The following DENND3 variants were observed in gnomAD, a reference collection of about 807,000 sequenced individuals.
DENND3 encodes DENN domain-containing protein 3.
In DENND3, 88 loss-of-function variants were observed where a neutral mutation model predicts 135.1. That is an observed-to-expected ratio of 0.65 (90% CI 0.55 to 0.78). The LOEUF (loss-of-function observed/expected upper bound fraction) is 0.78. DENND3 is among the 30% of genes least tolerant of loss of function. DENND3 has a pLI of 0.00. For synonymous variants in DENND3, 693 were observed against 712.3 expected (o/e 0.97, Z 0.43); for missense variants, 1,392 against 1,688.4 (o/e 0.82, Z 3.08).
Position 141,194,123 on chromosome 8 carries a change from C to T in DENND3, c.3727C>T (p.Leu1243=). 1 of 1,613,940 alleles carries T rather than the reference C, an allele frequency of 6.2e-7. No individual in the cohort carries two copies. The highest frequency in any genetic ancestry group is 8.5e-7 in the Non-Finnish European group (1 of 1,180,018). ...DAERKTVEKE[L]VAHMDTVRTL... is the part of the protein sequence containing the mutation. The stretch of plus-strand genomic sequence containing the variant: ...CGAGAGGAAGACCGTGGAGAAGGAG[C>T]TGGTGGCGCACATGGACACCGTGAG... The change falls in exon 23 of 23, where the codon CTG becomes TTG. Residue 1243 remains leucine (L), a synonymous_variant. Transcript: ENST00000519811.
chr8:141,194,345 C>A lies in DENND3; in HGVS notation c.*112C>A. 5 of 1,314,124 alleles carry A rather than the reference C, an allele frequency of 3.8e-6. No individual in the cohort carries two copies. Among genetic ancestry groups the A allele is most frequent in the Non-Finnish European group, 5.2e-6 (5 of 955,924 alleles). 81.4% of individuals were successfully genotyped at this position (1,314,124 alleles called of 1,614,324 possible). ...GGGTGGCAGGGCAGAGCAGCCCAGG[C>A]TCAGCATGGAGCCCACTTACCGTGT... On this transcript the variant is annotated 3_prime_UTR_variant, in exon 23 of 23. Transcript: ENST00000519811.
intron 11 of DENND3, among the ~76,000 whole-genome samples, chr8:141,165,884 TC>T (rs1435177457): frequency 1.3e-5 from 2 of 151,904 alleles, no homozygotes; most frequent in African/African-American, 4.8e-5. Context: ...TCTTCCCACC[TC>T]CCCCCATCCT....
intron 18 of DENND3, among the ~76,000 whole-genome samples, chr8:141,188,093 G>A (rs570574106): frequency 2.0e-5 from 3 of 152,288 alleles, no homozygotes; most frequent in East Asian, 3.9e-4. Context: ...AGGCGTGGTG[G>A]CCCATGGCTG....
intron 13 of DENND3, among the ~76,000 whole-genome samples, chr8:141,171,487 C>T (rs543243275): frequency 6.6e-5 from 10 of 152,176 alleles, no homozygotes; most frequent in Admixed American, 1.3e-4. Flanking sequence ...GTTGCCTGCA[C>T]GCCACCTAGC....
rs779515352 is a variant in DENND3 at position 141,165,252 on chromosome 8, G to A, written c.1516G>A (p.Ala506Thr). 70 of 1,614,076 alleles carry A rather than the reference G, an allele frequency of 4.3e-5. No individual in the cohort carries two copies. The highest frequency in any genetic ancestry group is 5.6e-5 in the Non-Finnish European group (66 of 1,180,030). ...GCTCAATAGGAGGATGGACGCCTTT[G>A]CTCAGATGGACCTCGACACCCAGTC... is the stretch of plus-strand genomic sequence containing the variant. ...ARLNRRMDAF[A>T]QMDLDTQSEE... The change falls in exon 11 of 23, where the codon GCT becomes ACT. Residue 506 changes from alanine (A) to threonine (T), a missense_variant. Coordinates refer to ENST00000519811, the MANE Select transcript of DENND3 (RefSeq NM_001352890.3).
At chr8:141,160,811 G>A in intron 9 of DENND3, 24 bp downstream of exon 9, 4 of 1,593,618 alleles carry the variant, frequency 2.5e-6, no homozygotes, top group Non-Finnish European at 3.4e-6. Flanking sequence ...CATTCCCAGT[G>A]TCCATGAGGA....
chr8:141,181,382 T>C (rs1160216727), intron 17 of DENND3, among the ~76,000 whole-genome samples: 1 of 152,234 alleles, frequency 6.6e-6, no homozygotes, highest in Non-Finnish European at 1.5e-5. Flanking sequence ...AAGCTCTTAA[T>C]GGGATCCTCT....
intron 1 of DENND3, among the ~76,000 whole-genome samples, chr8:141,133,623 G>A (rs575428124): frequency 3.0e-4 from 46 of 152,286 alleles, no homozygotes; most frequent in Non-Finnish European, 4.9e-4. Flanking sequence ...GGTGCTTGGT[G>A]TGGAAACATG....
chr8:141,156,910 G>C (rs944834326), intron 8 of DENND3, among the ~76,000 whole-genome samples: 1 of 149,874 alleles, frequency 6.7e-6, no homozygotes, highest in African/African-American at 2.5e-5. Context: ...TCCTGCCTCA[G>C]CCTCCCGAGT....
Position 141,192,524 on chromosome 8 carries a change from A to G in DENND3, c.3499-2A>G. 1 of 1,598,654 alleles carries G rather than the reference A, an allele frequency of 6.3e-7. No homozygotes were observed. The highest frequency in any genetic ancestry group is 8.5e-7 in the Non-Finnish European group (1 of 1,171,140). ...TAGCCCACACCGTGCCCTGCGTTTC[A>G]GGAGGAGCAGCTGTGGGCGGCCTGT... On this transcript the variant is annotated splice_acceptor_variant, in intron 21 of 22. Coordinates refer to ENST00000519811, the MANE Select transcript of DENND3 (RefSeq NM_001352890.3). LOFTEE classifies it high-confidence loss of function.
At chr8:141,171,343 T>C (rs1821527942) in intron 13 of DENND3, among the ~76,000 whole-genome samples, 2 of 152,240 alleles carry the variant, frequency 1.3e-5, no homozygotes, top group Non-Finnish European at 2.9e-5. Context: ...AAATATGCTA[T>C]TAACAGTGCA....
chr8:141,136,941 T>A, intron 2 of DENND3, 150 bp downstream of exon 2: 1 of 641,134 alleles, frequency 1.6e-6, no homozygotes, highest in Non-Finnish European at 2.2e-6. Flanking sequence ...TTAGTTTTCT[T>A]AATCTTGGGG....
At position 141,166,660 on chromosome 8, in the gene DENND3, G is replaced by T. The variant is rs1174083856; in HGVS notation, c.1753+271G>T. ...TCCTTCACAGGTGTAGGCTGTGCCT[G>T]TCTCTGTATGTGTGGATTGCATGTG... On this transcript the variant is annotated intron_variant, in intron 12 of 22. Transcript: ENST00000519811. This position sits in a 1 kb window ranked among gnomAD's most constrained non-coding sequence, Gnocchi z 4.3. Among the ~76,000 whole-genome samples the T allele has an allele frequency of 6.6e-6, 1 of 152,240 alleles. No homozygotes were observed. Among genetic ancestry groups the T allele is most frequent in the Non-Finnish European group, 1.5e-5 (1 of 68,048 alleles).
intron 10 of DENND3, among the ~76,000 whole-genome samples, chr8:141,164,803 C>T (rs1012943017): frequency 1.1e-4 from 16 of 152,236 alleles, no homozygotes; most frequent in Non-Finnish European, 2.4e-4. Context: ...GCGCCAGCCA[C>T]GAGCCTGCCT....
intron 6 of DENND3, 120 bp downstream of exon 6, chr8:141,151,073 G>A (rs973298188): frequency 9.8e-6 from 13 of 1,332,322 alleles, no homozygotes; most frequent in Admixed American, 9.5e-5. Context: ...TGGTATACTC[G>A]AAATGTTTAT....
intron 8 of DENND3, among the ~76,000 whole-genome samples, chr8:141,160,006 C>G (rs1467652888): frequency 6.6e-6 from 1 of 152,158 alleles, no homozygotes; most frequent in Non-Finnish European, 1.5e-5. Context: ...AGTGACCCGT[C>G]AAGAGGCAGC....
chr8:141,193,869 C>T (rs1200933989), intron 22 of DENND3, 164 bp from the exon 23 acceptor site: 1 of 716,828 alleles, frequency 1.4e-6, no homozygotes, highest in East Asian at 2.7e-5. Context: ...GAGAAGGGTC[C>T]TGTGCACCTG....
In DENND3 at chr8:141,195,151, C is replaced by A. The variant is rs1321870077; in HGVS notation, c.*918C>A. On this transcript the variant is annotated 3_prime_UTR_variant, in exon 23 of 23. Coordinates refer to ENST00000519811, the MANE Select transcript of DENND3 (RefSeq NM_001352890.3). The stretch of plus-strand genomic sequence containing the variant: ...GCGCAGCATGCTATACTGAACTCAA[C>A]AAGATCTTGGCTGTACATAAATATT... The A allele has an allele frequency of 6.6e-6, 1 of 152,288 alleles. No homozygotes were observed. The highest frequency in any genetic ancestry group is 2.4e-5 in the African/African-American group (1 of 41,468). The allele number at this position is 152,288 out of a possible 1,614,324, so 9.4% of individuals were successfully genotyped here. A position where few individuals can be genotyped will look rare whatever the true frequency, so the allele number is the denominator to read the frequency against.
chr8:141,131,009 C>G (rs1816014788), intron 1 of DENND3, among the ~76,000 whole-genome samples: 1 of 152,128 alleles, frequency 6.6e-6, no homozygotes, highest in African/African-American at 2.4e-5. Flanking sequence ...TTTACCTTGA[C>G]TTTTACAAAT....
Sources: gnomAD v4.1 joint callset for allele counts (sites outside exome capture counted in the v4.1 genomes callset) on GRCh38, gnomAD v4.1.1 for gene constraint, Gnocchi (gnomAD v3.1) non-coding constraint, MANE v1.5 for transcripts, NCBI Gene and HGNC (gene_info 2026-07-23, HGNC 2026-07-21) for gene names.